Variants in EML6 observed in about 807,000 individuals in gnomAD.
EML6 encodes the protein echinoderm microtubule-associated protein-like 6.
Under a neutral mutation model 240.1 loss-of-function variants are expected in EML6, and 154 were observed. The ratio of observed to expected loss-of-function variants is 0.64; its 90% CI spans 0.56 to 0.73. The LOEUF (loss-of-function observed/expected upper bound fraction) is 0.73. Ranked by LOEUF, EML6 falls within the 30% of genes least tolerant of loss-of-function variation. The pLI, the probability that EML6 is intolerant of heterozygous loss-of-function variation, is 0.00. For synonymous variants in EML6, 1,148 were observed against 899.0 expected, an observed-to-expected ratio of 1.28 and a Z score of -4.95; for missense variants, 2,964 against 2,474.6, an observed-to-expected ratio of 1.20 and a Z score of -4.20.
At chr2:54,738,023 C>T (rs1683473411) in intron 2 of EML6, among the ~76,000 whole-genome samples, 1 of 152,210 alleles carries the variant, frequency 6.6e-6, no homozygotes, top group Non-Finnish European at 1.5e-5. Context: ...ACTCACTTCC[C>T]TTAGGTGCCT....
intron 32 of EML6, among the ~76,000 whole-genome samples, chr2:54,955,775 T>C (rs1183290217): frequency 6.6e-6 from 1 of 152,220 alleles, no homozygotes; most frequent in Admixed American, 6.5e-5. Context: ...AGGAGCCTGC[T>C]CTTGTTTGTA....
At chr2:54,886,590 C>A (rs1672157785) in intron 17 of EML6, among the ~76,000 whole-genome samples, 1 of 152,202 alleles carries the variant, frequency 6.6e-6, no homozygotes, top group South Asian at 2.1e-4. Flanking sequence ...CCTCCAACTT[C>A]TCCACATTCT....
chr2:54,935,762 GCA>G (rs1372328142), intron 28 of EML6, among the ~76,000 whole-genome samples: 1 of 152,204 alleles, frequency 6.6e-6, no homozygotes, highest in Non-Finnish European at 1.5e-5. Flanking sequence ...TGTAATCTCA[GCA>G]CTTTGGAAGG....
Position 54,862,261 on chromosome 2 carries a change from C to G in EML6, c.1826-1522C>G, listed in dbSNP as rs182809239. ...GGCTGAGGCAGGAGAATTGCTTGAA[C>G]CGGGAGGTGAAGGTTGCAGTGAGCC... On this transcript the variant is annotated intron_variant, in intron 12 of 41. Transcript: ENST00000356458. Among the ~76,000 whole-genome samples, 12 of 144,016 alleles carry G rather than the reference C, an allele frequency of 8.3e-5. No individual in the cohort carries two copies. In the Admixed American group the frequency reaches 8.7e-4, roughly 10 times the overall value. 94.5% of individuals were successfully genotyped at this position (144,016 alleles called of 152,430 possible). A position where few individuals can be genotyped will look rare whatever the true frequency, so the allele number is the denominator to read the frequency against.
At chr2:54,858,925 A>G (rs1670531166) in intron 11 of EML6, among the ~76,000 whole-genome samples, 1 of 152,186 alleles carries the variant, frequency 6.6e-6, no homozygotes, top group African/African-American at 2.4e-5. Flanking sequence ...CCTCCATGTA[A>G]GATGGACCCT....
chr2:54,756,799 T>A (rs1285251793), intron 2 of EML6, among the ~76,000 whole-genome samples: 3 of 152,024 alleles, frequency 2.0e-5, no homozygotes, highest in Non-Finnish European at 4.4e-5. Flanking sequence ...TTCCATCCAT[T>A]GATCTTGCCT....
At chr2:54,945,299 C>A (rs1675638618) in intron 28 of EML6, among the ~76,000 whole-genome samples, 1 of 115,874 alleles carries the variant, frequency 8.6e-6, no homozygotes, top group South Asian at 3.1e-4. Context: ...CCCCTTCTCT[C>A]TCCCCTCCCC....
intron 4 of EML6, among the ~76,000 whole-genome samples, chr2:54,817,980 C>G (rs927611613): frequency 6.6e-6 from 1 of 151,780 alleles, no homozygotes; most frequent in African/African-American, 2.4e-5. Context: ...CAGTAGTTCC[C>G]AATCCTGGCT....
At chr2:54,914,925 G>A (rs1256719371) in intron 25 of EML6, among the ~76,000 whole-genome samples, 1 of 152,124 alleles carries the variant, frequency 6.6e-6, no homozygotes, top group East Asian at 1.9e-4. Flanking sequence ...CATATTGGGA[G>A]GCAAACTCTC....
At chr2:54,952,450 A>G (rs934684255) in intron 30 of EML6, 144 bp from the exon 31 acceptor site, 6 of 572,894 alleles carry the variant, frequency 1.0e-5, no homozygotes, top group African/African-American at 1.9e-5. Context: ...CATCTCCCCA[A>G]GTGTGATTCT....
At chr2:54,860,964 C>G (rs1670640835) in intron 12 of EML6, among the ~76,000 whole-genome samples, 1 of 152,144 alleles carries the variant, frequency 6.6e-6, no homozygotes, top group Non-Finnish European at 1.5e-5. Flanking sequence ...GAGATGTGGT[C>G]TTAAATGGGT....
chr2:54,803,295 C>T (rs1489335269), intron 2 of EML6, among the ~76,000 whole-genome samples: 1 of 152,152 alleles, frequency 6.6e-6, no homozygotes, highest in Non-Finnish European at 1.5e-5. Context: ...CTAAACTGGT[C>T]AATTAGTCAA....
chr2:54,890,263 G>T (rs1672394892), intron 17 of EML6, among the ~76,000 whole-genome samples: 1 of 152,124 alleles, frequency 6.6e-6, no homozygotes, highest in African/African-American at 2.4e-5. Flanking sequence ...TTCAGATTCT[G>T]TTTGCTAATA....
intron 2 of EML6, among the ~76,000 whole-genome samples, chr2:54,764,114 AAGGTCATCATTC>A (rs1444552839): frequency 1.3e-5 from 2 of 152,252 alleles, no homozygotes; most frequent in South Asian, 2.1e-4. Context: ...TAACCTGTCC[AAGGTCATCATTC>A]AACCTCCAAG....
At chr2:54,748,616 G>A (rs11888386) in intron 2 of EML6, among the ~76,000 whole-genome samples, 11,160 of 152,122 alleles carry the variant, frequency 0.073, 1,301 homozygotes, top group African/African-American at 0.24. Context: ...CTGGAGTGCA[G>A]TGGTAGGATC....
chr2:54,864,165 A>G (rs1670839095), intron 13 of EML6, among the ~76,000 whole-genome samples: 1 of 152,170 alleles, frequency 6.6e-6, no homozygotes, highest in African/African-American at 2.4e-5. Flanking sequence ...AAAACTTTAA[A>G]ATATATTTTG....
intron 28 of EML6, among the ~76,000 whole-genome samples, chr2:54,936,221 C>G (rs901561713): frequency 1.3e-5 from 2 of 152,212 alleles, no homozygotes; most frequent in African/African-American, 4.8e-5. Context: ...TACACGATCA[C>G]AAAGGAACAT....
intron 9 of EML6, among the ~76,000 whole-genome samples, chr2:54,848,585 G>C (rs1475910071): frequency 7.0e-6 from 1 of 142,050 alleles, no homozygotes; most frequent in Non-Finnish European, 1.5e-5. Context: ...TGACATTCTA[G>C]TACACCATAA....
intron 12 of EML6, among the ~76,000 whole-genome samples, chr2:54,860,018 T>C (rs976870205): frequency 9.9e-5 from 15 of 152,110 alleles, no homozygotes; most frequent in African/African-American, 3.4e-4. Flanking sequence ...GCAGGTCCAT[T>C]CTCTCTGAGA....
Sources: allele counts gnomAD v4.1 joint callset (sites outside exome capture counted in the v4.1 genomes callset), GRCh38; gene constraint gnomAD v4.1.1; transcripts MANE v1.5; gene names NCBI Gene and HGNC (gene_info 2026-07-23, HGNC 2026-07-21).